The following ATG7 variants were observed in gnomAD, a reference collection of about 807,000 sequenced individuals.
ATG7 encodes ubiquitin-like modifier-activating enzyme ATG7.
Under a neutral mutation model 82.4 loss-of-function variants are expected in ATG7, and 70 were observed. The ratio of observed to expected loss-of-function variants is 0.85; its 90% CI spans 0.70 to 1.04. ATG7 has a LOEUF of 1.04. ATG7 is among the 50% of genes least tolerant of loss of function. ATG7 has a pLI of 0.00. For missense variants in ATG7, 792 were observed against 864.3 expected (o/e 0.92, Z 1.05); for synonymous variants, 287 against 313.0 (o/e 0.92, Z 0.88).
intron 19 of ATG7, among the ~76,000 whole-genome samples, chr3:11,395,693 C>T (rs1181976598): frequency 1.3e-5 from 2 of 152,262 alleles, no homozygotes; most frequent in East Asian, 3.9e-4. Context: ...GTAATCCCAG[C>T]ACTTTGGGAG....
chr3:11,364,797 T>C, intron 18 of ATG7, 63 bp downstream of exon 18: 1 of 1,566,606 alleles, frequency 6.4e-7, no homozygotes, highest in Non-Finnish European at 8.8e-7. Context: ...GTGGGGTCTC[T>C]TTGCCATTCC....
intron 1 of ATG7, among the ~76,000 whole-genome samples, chr3:11,277,902 C>CA (rs1553596471): frequency 1.5e-5 from 2 of 137,240 alleles, no homozygotes; most frequent in Non-Finnish European, 3.2e-5. Context: ...CCCCCCCCCC[C>CA]CCACCAGGAA....
intron 19 of ATG7, among the ~76,000 whole-genome samples, chr3:11,417,961 C>G (rs2081544831): frequency 6.6e-6 from 1 of 151,496 alleles, no homozygotes; most frequent in Non-Finnish European, 1.5e-5. Context: ...GCACCCACCA[C>G]CATTCTTGGC....
chr3:11,566,832 G>A, the ATG7 span, among the ~76,000 whole-genome samples: 7 of 152,148 alleles, frequency 4.6e-5, no homozygotes, highest in Admixed American at 2.6e-4. Flanking sequence ...CTCTGAGGGC[G>A]TCGAGTCCCT....
At chr3:11,275,828 T>G (rs1941659679) in intron 1 of ATG7, among the ~76,000 whole-genome samples, 1 of 152,154 alleles carries the variant, frequency 6.6e-6, no homozygotes, top group Admixed American at 6.5e-5. Flanking sequence ...TCAGACCGGC[T>G]TCAGAATGAT....
At chr3:11,285,088 G>T (rs900934812) in intron 3 of ATG7, among the ~76,000 whole-genome samples, 4 of 146,006 alleles carry the variant, frequency 2.7e-5, no homozygotes, top group Non-Finnish European at 6.0e-5. Flanking sequence ...CTGACCTCAT[G>T]ATTTGCCCAC....
intron 20 of ATG7, among the ~76,000 whole-genome samples, chr3:11,546,369 G>C (rs1169838303): frequency 1.3e-5 from 2 of 151,938 alleles, no homozygotes; most frequent in Non-Finnish European, 2.9e-5. Context: ...AGGGGGTTTT[G>C]CCATGTTGGC....
intron 20 of ATG7, among the ~76,000 whole-genome samples, chr3:11,520,857 G>A (rs773458296): frequency 2.6e-5 from 4 of 152,130 alleles, no homozygotes; most frequent in African/African-American, 4.8e-5. Context: ...CACCTCACCC[G>A]CCAGCATTCT....
intron 2 of ATG7, among the ~76,000 whole-genome samples, chr3:11,281,708 A>C (rs1256490288): frequency 6.7e-6 from 1 of 149,556 alleles, no homozygotes. Flanking sequence ...TGGGAGGCAG[A>C]GGTTGCAGTG....
At chr3:11,346,332 G>A (rs1212195157) in intron 13 of ATG7, among the ~76,000 whole-genome samples, 1 of 152,206 alleles carries the variant, frequency 6.6e-6, no homozygotes, top group Non-Finnish European at 1.5e-5. Context: ...TGGTCAGTAT[G>A]TCAGATTATT....
In ATG7 at chr3:11,279,768, C is replaced by T. The variant is rs73812422; in HGVS notation, c.-365-1226C>T. 1.9e-3 allele frequency among the ~76,000 whole-genome samples: 282 copies of T among 152,246 alleles called. 1 individual carries two copies. Among genetic ancestry groups the T allele is most frequent in the South Asian group, 5.2e-3 (25 of 4,820 alleles). ...GGCTTAAGGGTTTCTATAGGAAACA[C>T]TGTTGCCTCATCAGTCTAATTTAGA... On this transcript the variant is annotated intron_variant, in intron 1 of 20. Coordinates refer to ENST00000693202, the MANE Select transcript of ATG7 (RefSeq NM_001349232.2).
chr3:11,310,323 T>G (rs1267309850), intron 7 of ATG7, among the ~76,000 whole-genome samples: 1 of 152,170 alleles, frequency 6.6e-6, no homozygotes, highest in East Asian at 1.9e-4. Flanking sequence ...CACCACAGCA[T>G]CATCAGCTTT....
chr3:11,277,904 C>A (rs1054290398), intron 1 of ATG7, among the ~76,000 whole-genome samples: 5 of 132,704 alleles, frequency 3.8e-5, no homozygotes, highest in Non-Finnish European at 6.5e-5. Context: ...CCCCCCCCCC[C>A]ACCAGGAATG....
chr3:11,306,933 T>A lies in ATG7; in HGVS notation c.216-10T>A, dbSNP rs200980786. ...CTGTGCCTGACTAACCGTGTTTCTC[T>A]TGTATCTAGGAGTGCTCCCACCCCA... On this transcript the variant is annotated splice_polypyrimidine_tract_variant and intron_variant, in intron 5 of 20. Coordinates refer to ENST00000693202, the MANE Select transcript of ATG7 (RefSeq NM_001349232.2). 25 of 1,610,596 alleles carry A rather than the reference T, an allele frequency of 1.6e-5. No individual in the cohort carries two copies. The African/African-American group carries it at 2.9e-4, about 19-fold the overall frequency.
At chr3:11,321,706 C>A (rs1950247295) in intron 9 of ATG7, among the ~76,000 whole-genome samples, 1 of 152,144 alleles carries the variant, frequency 6.6e-6, no homozygotes, top group Non-Finnish European at 1.5e-5. Context: ...ACCCTCTGAG[C>A]CTCAGTTTCC....
chr3:11,418,832 A>C (rs149034660), intron 19 of ATG7, among the ~76,000 whole-genome samples: 101 of 152,320 alleles, frequency 6.6e-4, no homozygotes, highest in African/African-American at 2.3e-3. Context: ...GGAAACTTAC[A>C]ATTATGGTGG....
Position 11,313,391 on chromosome 3 carries a change from G to T in ATG7, c.499G>T (p.Gly167Cys). ...TTTACCTCTCATTCAGGGGCCAGTG[G>T]GTTTGGATCAAAGGTTTTCACTAAA... ...ESLPLIQGPV[G>C]LDQRFSLKQI... Residue 167 changes from glycine (G) to cysteine (C), a missense_variant, in exon 8 of 21, where the codon GGT (glycine) becomes TGT (cysteine). By Grantham distance (159) the Gly-to-Cys change is radical. Transcript: ENST00000693202. 6.2e-7 allele frequency: 1 copy of T among 1,611,580 alleles called. No homozygotes were observed. Among genetic ancestry groups the T allele is most frequent in the Non-Finnish European group, 8.5e-7 (1 of 1,178,690 alleles).
chr3:11,296,500 G>T (rs1945941620), intron 3 of ATG7, among the ~76,000 whole-genome samples: 1 of 151,976 alleles, frequency 6.6e-6, no homozygotes, highest in Non-Finnish European at 1.5e-5. Flanking sequence ...ATAAATTTTT[G>T]GGCTTTTAGC....
intron 19 of ATG7, among the ~76,000 whole-genome samples, chr3:11,416,145 A>T (rs2081356818): frequency 6.6e-6 from 1 of 152,218 alleles, no homozygotes; most frequent in Non-Finnish European, 1.5e-5. Flanking sequence ...ATCTATGTTC[A>T]TGAGATATAT....
Sources: allele counts gnomAD v4.1 joint callset (sites outside exome capture counted in the v4.1 genomes callset), GRCh38; gene constraint gnomAD v4.1.1; transcripts MANE v1.5; gene names NCBI Gene and HGNC (gene_info 2026-07-23, HGNC 2026-07-21).